CTNNA2: variants seen among roughly 807,000 people sequenced by gnomAD.
CTNNA2 encodes the protein catenin alpha 2.
A neutral mutation model predicts 101.0 loss-of-function variants in CTNNA2; 42 were observed. That is an observed-to-expected ratio of 0.42 (90% CI 0.32 to 0.54). CTNNA2 has a LOEUF of 0.54. Among genes scored for constraint, CTNNA2 ranks in the 20% least tolerant of loss-of-function variants. CTNNA2 has a pLI of 0.14. For synonymous variants in CTNNA2, 450 were observed against 456.4 expected, an observed-to-expected ratio of 0.99 and a Z score of 0.18; for missense variants, 871 against 1,223.1, an observed-to-expected ratio of 0.71 and a Z score of 4.29.
chr2:80,348,615 T>C (rs898524369), intron 7 of CTNNA2, among the ~76,000 whole-genome samples: 3 of 152,092 alleles, frequency 2.0e-5, no homozygotes, highest in Non-Finnish European at 2.9e-5. Context: ...TAACAGCAAC[T>C]TTAAAAAGAG....
intron 7 of CTNNA2, chr2:80,313,644 C>T: frequency 1.9e-6 from 3 of 1,607,234 alleles, no homozygotes; most frequent in Non-Finnish European, 2.5e-6. Flanking sequence ...CATACCATGT[C>T]TGGAGCACAG....
chr2:79,917,096 G>A (rs1340524499), intron 7 of CTNNA2, among the ~76,000 whole-genome samples: 4 of 150,766 alleles, frequency 2.7e-5, no homozygotes, highest in Non-Finnish European at 5.9e-5. Flanking sequence ...TTTTTGAGAC[G>A]GAGTCTTGCT....
intron 7 of CTNNA2, among the ~76,000 whole-genome samples, chr2:80,328,578 C>T (rs2149258573): frequency 6.6e-6 from 1 of 152,282 alleles, no homozygotes; most frequent in South Asian, 2.1e-4. Flanking sequence ...AGTGGCTTTG[C>T]TGGTTATGGG....
chr2:79,707,729 C>T (rs930604671), intron 2 of CTNNA2, among the ~76,000 whole-genome samples: 1 of 152,190 alleles, frequency 6.6e-6, no homozygotes, highest in Non-Finnish European at 1.5e-5. Context: ...AGTTCCAGTG[C>T]ACTGTCTTCC....
intron 7 of CTNNA2, among the ~76,000 whole-genome samples, chr2:80,247,088 A>G (rs971615248): frequency 1.2e-4 from 19 of 152,140 alleles, no homozygotes; most frequent in Admixed American, 8.5e-4. Flanking sequence ...AAGTAGTAAA[A>G]ATGAGAAAGA....
chr2:80,146,513 C>T (rs73940970), intron 7 of CTNNA2, among the ~76,000 whole-genome samples: 6,785 of 151,880 alleles, frequency 0.045, 498 homozygotes, highest in African/African-American at 0.15. Flanking sequence ...TTTCTCTATC[C>T]GTGATGAATT....
chr2:79,601,904 A>G (rs1677577848), intron 1 of CTNNA2, among the ~76,000 whole-genome samples: 3 of 152,214 alleles, frequency 2.0e-5, no homozygotes, highest in African/African-American at 7.2e-5. Flanking sequence ...TGAACATCAC[A>G]TCTTAGTCTA....
At chr2:80,070,091 C>A (rs1004291133) in intron 7 of CTNNA2, among the ~76,000 whole-genome samples, 3 of 152,234 alleles carry the variant, frequency 2.0e-5, no homozygotes, top group African/African-American at 7.2e-5. Context: ...CCAGCCAACA[C>A]TGTAACTCCC....
chr2:80,389,793 C>G (rs773688025), intron 7 of CTNNA2, among the ~76,000 whole-genome samples: 4 of 152,128 alleles, frequency 2.6e-5, no homozygotes, highest in Non-Finnish European at 4.4e-5. Flanking sequence ...TTAACATTCC[C>G]CAGCCTTCAT....
intron 7 of CTNNA2, among the ~76,000 whole-genome samples, chr2:80,138,739 T>C (rs1370938412): frequency 6.6e-6 from 1 of 152,106 alleles, no homozygotes; most frequent in Non-Finnish European, 1.5e-5. Context: ...TCTGTAAAAA[T>C]GAGGTGAATA....
chr2:80,179,616 G>A (rs560273417), intron 7 of CTNNA2, among the ~76,000 whole-genome samples: 15 of 152,188 alleles, frequency 9.9e-5, no homozygotes, highest in South Asian at 2.1e-4. Context: ...CTCGTGATCC[G>A]CCCACGACAG....
intron 7 of CTNNA2, among the ~76,000 whole-genome samples, chr2:80,115,425 A>G (rs1246758178): frequency 1.3e-5 from 2 of 152,226 alleles, no homozygotes; most frequent in African/African-American, 4.8e-5. Context: ...ATGGAGGTAG[A>G]CAGTACACTC....
At chr2:80,638,142 T>C (rs1230608876) in intron 18 of CTNNA2, among the ~76,000 whole-genome samples, 1 of 152,240 alleles carries the variant, frequency 6.6e-6, no homozygotes, top group Non-Finnish European at 1.5e-5. Context: ...GATGCTCTGC[T>C]AGCTGGCTCT....
intron 1 of CTNNA2, among the ~76,000 whole-genome samples, chr2:79,193,447 C>A (rs549976394): frequency 1.3e-5 from 2 of 152,138 alleles, no homozygotes; most frequent in African/African-American, 4.8e-5. Context: ...TATACAGGTA[C>A]GTACCCTAGG....
intron 11 of CTNNA2, among the ~76,000 whole-genome samples, chr2:80,547,323 CA>C (rs1422671879): frequency 6.6e-6 from 1 of 152,094 alleles, no homozygotes; most frequent in African/African-American, 2.4e-5. Context: ...ATTTAATTCT[CA>C]TCAAAATTCT....
intron 3 of CTNNA2, among the ~76,000 whole-genome samples, chr2:79,324,579 A>G (rs1676700181): frequency 6.6e-6 from 1 of 152,210 alleles, no homozygotes; most frequent in Non-Finnish European, 1.5e-5. Context: ...CCAGTCAATC[A>G]AAAGGAGAAG....
intron 7 of CTNNA2, among the ~76,000 whole-genome samples, chr2:79,965,802 C>G (rs1477130195): frequency 1.6e-5 from 2 of 121,814 alleles, no homozygotes; most frequent in African/African-American, 6.5e-5. Flanking sequence ...TGTACTCCTG[C>G]CTGGGTGATG....
At chr2:80,584,718 C>T (rs1261537065) in intron 14 of CTNNA2, among the ~76,000 whole-genome samples, 3 of 152,026 alleles carry the variant, frequency 2.0e-5, no homozygotes, top group East Asian at 1.9e-4. Flanking sequence ...TTCATCTCCT[C>T]GTATGCTACC....
chr2:80,168,974 AT>A (rs1704874398), intron 7 of CTNNA2, among the ~76,000 whole-genome samples: 1 of 152,176 alleles, frequency 6.6e-6, no homozygotes, highest in Non-Finnish European at 1.5e-5. Flanking sequence ...AAGCCATGCG[AT>A]TTAGAGGCCC....
Sources: gnomAD v4.1 joint callset for allele counts (sites outside exome capture counted in the v4.1 genomes callset) on GRCh38, gnomAD v4.1.1 for gene constraint, MANE v1.5 for transcripts, NCBI Gene and HGNC (gene_info 2026-07-23, HGNC 2026-07-21) for gene names.